Variants in CELF2 observed in about 807,000 individuals in gnomAD.
CELF2 encodes CUG triplet repeat RNA-binding protein 2.
CELF2 carries 8 observed loss-of-function variants against 62.6 expected under a neutral mutation model. The observed-to-expected ratio is 0.13, with a 90% confidence interval of 0.07 to 0.23. CELF2 has a LOEUF of 0.23. Ranked by LOEUF, CELF2 falls within the 10% of genes least tolerant of loss-of-function variation. The probability of loss-of-function intolerance (pLI) is 1.00; values close to 1 mark genes in which losing one functional copy is unlikely to be tolerated. For synonymous variants in CELF2, 258 were observed against 250.0 expected (o/e 1.03, Z -0.30); for missense variants, 333 against 671.0 (o/e 0.50, Z 5.56).
chr10:11,189,832 A>G (rs2075881822), intron 2 of CELF2, among the ~76,000 whole-genome samples: 1 of 152,232 alleles, frequency 6.6e-6, no homozygotes, highest in African/African-American at 2.4e-5. Context: ...CTTTAGTGGC[A>G]CACGTTGACT....
rs769429232 is a variant in CELF2 at position 11,224,793 on chromosome 10, C to CT, written c.354+7289dup. On this transcript the variant is annotated intron_variant, in intron 3 of 12. Coordinates refer to ENST00000633077, the MANE Select transcript of CELF2 (RefSeq NM_001326342.2). This position sits in a 1 kb window ranked among gnomAD's most constrained non-coding sequence, Gnocchi z 4.5. The stretch of plus-strand genomic sequence containing the variant: ...GCGCTCGTGAGTTCGGAGCCTGGAG[C>CT]TTTAGGCCACACAAAAAGCATACAG... Among the ~76,000 whole-genome samples, 1 of 152,060 alleles carries CT rather than the reference C, an allele frequency of 6.6e-6. No homozygotes were observed. Among genetic ancestry groups the CT allele is most frequent in the African/African-American group, 2.4e-5 (1 of 41,386 alleles).
the CELF2 span, among the ~76,000 whole-genome samples, chr10:10,768,853 C>T: frequency 1.3e-5 from 2 of 152,080 alleles, no homozygotes; most frequent in African/African-American, 4.8e-5. Context: ...GGATTACGGG[C>T]GTGAGCCACT....
chr10:11,071,402 T>G (rs1352626646), intron 1 of CELF2: 4 of 152,244 alleles, frequency 2.6e-5, no homozygotes, highest in Non-Finnish European at 5.9e-5. Flanking sequence ...CAGAGGAGGC[T>G]ACTTCCCTGC....
At chr10:11,007,939 T>C (rs201118) in intron 1 of CELF2, among the ~76,000 whole-genome samples, 39,509 of 152,052 alleles carry the variant, frequency 0.26, 9,942 homozygotes, top group African/African-American at 0.66. Context: ...ACGAGGTAAC[T>C]CTCTTCTCAC....
the CELF2 span, among the ~76,000 whole-genome samples, chr10:10,532,064 A>G: frequency 6.6e-6 from 1 of 152,270 alleles, no homozygotes; most frequent in African/African-American, 2.4e-5. Context: ...AGCCTCAAGT[A>G]TTCCATATTT....
At chr10:10,469,403 A>G in the CELF2 span, among the ~76,000 whole-genome samples, 2 of 151,908 alleles carry the variant, frequency 1.3e-5, no homozygotes, top group Non-Finnish European at 2.9e-5. Flanking sequence ...AGGGAAACAC[A>G]TTTAGTCTCT....
chr10:10,852,535 G>A (rs1564719083), intron 1 of CELF2, among the ~76,000 whole-genome samples: 1 of 152,126 alleles, frequency 6.6e-6, no homozygotes, highest in East Asian at 1.9e-4. Flanking sequence ...TGACTGGGTG[G>A]TAGATACACA....
chr10:10,657,197 G>A, the CELF2 span, among the ~76,000 whole-genome samples: 236 of 152,122 alleles, frequency 1.6e-3, no homozygotes, highest in Admixed American at 4.7e-3. Context: ...TGAAATGTTC[G>A]CATTACACAT....
At position 11,006,013 on chromosome 10, in the gene CELF2, T is replaced by C. The variant is rs117248937; in HGVS notation, c.53+573T>C. On this transcript the variant is annotated intron_variant, in intron 1 of 12. Transcript: ENST00000416382. ...GGTCCCCATGTATTGAAAGCAAATATTTGTTTCCTGCCTCTGTGTTGGGGG... is the reference window on the plus strand; with the variant it reads ...GGTCCCCATGTATTGAAAGCAAATACTTGTTTCCTGCCTCTGTGTTGGGGG... Among the ~76,000 whole-genome samples the C allele has an allele frequency of 5.3e-3, 808 of 152,240 alleles. 8 individuals carry two copies. Among genetic ancestry groups the C allele is most frequent in the Middle Eastern group, 0.017 (5 of 294 alleles).
chr10:11,319,074 C>G lies in CELF2; in HGVS notation c.1097-2115C>G. On this transcript the variant is annotated intron_variant, in intron 10 of 12. Coordinates refer to ENST00000633077, the MANE Select transcript of CELF2 (RefSeq NM_001326342.2). This position sits in a 1 kb window ranked among gnomAD's most constrained non-coding sequence, Gnocchi z 4.4. Reference sequence around the variant, plus strand: ...GCAGGCTGCGAGGCACACCCAGAACCTCATGCCTTGAGATCCAAGCAGAGC... The same window carrying G: ...GCAGGCTGCGAGGCACACCCAGAACGTCATGCCTTGAGATCCAAGCAGAGC... 2 of 470,548 alleles carry G rather than the reference C, an allele frequency of 4.3e-6. No individual in the cohort carries two copies. Among genetic ancestry groups the G allele is most frequent in the Non-Finnish European group, 8.8e-6 (2 of 227,062 alleles). 29.1% of individuals were successfully genotyped at this position (470,548 alleles called of 1,614,324 possible).
chr10:10,846,407 G>C (rs1183525486), intron 1 of CELF2, among the ~76,000 whole-genome samples: 1 of 152,070 alleles, frequency 6.6e-6, no homozygotes, highest in South Asian at 2.1e-4. Flanking sequence ...CTGAGAGCCC[G>C]AGGAATCCAC....
chr10:10,817,787 G>T (rs2056605461), intron 1 of CELF2, among the ~76,000 whole-genome samples: 1 of 152,196 alleles, frequency 6.6e-6, no homozygotes, highest in Non-Finnish European at 1.5e-5. Flanking sequence ...AAACATAGAA[G>T]CAATAACATC....
chr10:10,815,743 G>A (rs1254576532), intron 1 of CELF2, among the ~76,000 whole-genome samples: 1 of 152,032 alleles, frequency 6.6e-6, no homozygotes, highest in Non-Finnish European at 1.5e-5. Context: ...CATACGTTCT[G>A]TGGATCACCA....
At chr10:10,825,878 A>G (rs1441962550) in intron 1 of CELF2, among the ~76,000 whole-genome samples, 1 of 152,218 alleles carries the variant, frequency 6.6e-6, no homozygotes, top group Non-Finnish European at 1.5e-5. Context: ...TTGTGAAGCC[A>G]TGTCCAAAGA....
chr10:10,605,358 G>A, the CELF2 span, among the ~76,000 whole-genome samples: 11 of 152,170 alleles, frequency 7.2e-5, no homozygotes, highest in African/African-American at 2.4e-4. Context: ...GATATGTGCA[G>A]CAAAGCACCT....
chr10:11,229,688 C>T (rs1021905723), intron 3 of CELF2, among the ~76,000 whole-genome samples: 14 of 151,760 alleles, frequency 9.2e-5, no homozygotes, highest in South Asian at 8.3e-4. Flanking sequence ...CTCCCAGGTT[C>T]ACATGATTCT....
intron 2 of CELF2, among the ~76,000 whole-genome samples, chr10:11,203,689 C>G (rs568910540): frequency 6.6e-6 from 1 of 152,188 alleles, no homozygotes; most frequent in East Asian, 1.9e-4. Flanking sequence ...TAAAGTTGAT[C>G]GCTGTCAAAT....
the CELF2 span, among the ~76,000 whole-genome samples, chr10:10,683,217 G>T: frequency 3.3e-5 from 5 of 152,072 alleles, no homozygotes; most frequent in Non-Finnish European, 5.9e-5. Context: ...AGCTATTTTC[G>T]AAACATTCTC....
At chr10:11,294,696 A>T (rs982568364) in intron 9 of CELF2, among the ~76,000 whole-genome samples, 1 of 151,938 alleles carries the variant, frequency 6.6e-6, no homozygotes, top group African/African-American at 2.4e-5. Flanking sequence ...GTGGATCACG[A>T]GGTCAGGAGT....
Sources: allele counts gnomAD v4.1 joint callset (sites outside exome capture counted in the v4.1 genomes callset), GRCh38; gene constraint gnomAD v4.1.1; non-coding constraint Gnocchi (gnomAD v3.1); transcripts MANE v1.5; gene names NCBI Gene and HGNC (gene_info 2026-07-23, HGNC 2026-07-21).